The following PADI3 variants were observed in gnomAD, a reference collection of about 807,000 sequenced individuals.
PADI3 encodes the protein protein-arginine deiminase type-3.
Under a neutral mutation model 71.5 loss-of-function variants are expected in PADI3, and 53 were observed. That is an observed-to-expected ratio of 0.74 (90% CI 0.59 to 0.93). The LOEUF is 0.93. PADI3 is among the 40% of genes least tolerant of loss of function. The pLI, the probability that PADI3 is intolerant of heterozygous loss-of-function variation, is 0.00. For synonymous variants in PADI3, 361 were observed against 347.5 expected (o/e 1.04, Z -0.43); for missense variants, 821 against 868.0 (o/e 0.95, Z 0.68).
intron 15 of PADI3, among the ~76,000 whole-genome samples, chr1:17,281,173 T>C (rs572450243): frequency 6.6e-6 from 1 of 152,352 alleles, no homozygotes; most frequent in Non-Finnish European, 1.5e-5. Context: ...GTATTTAGGG[T>C]GTCCTGTGGC....
chr1:17,274,785 G>A lies in PADI3; in HGVS notation c.1306G>A (p.Gly436Arg). 2 of 1,613,034 alleles carry A rather than the reference G, an allele frequency of 1.2e-6. No individual in the cohort carries two copies. Among genetic ancestry groups the A allele is most frequent in the Non-Finnish European group, 1.7e-6 (2 of 1,179,386 alleles). The change falls in exon 11 of 16, where the codon GGG becomes AGG. Residue 436 changes from glycine (G) to arginine (R), a missense_variant and splice_region_variant. Gly to Arg is a moderately radical substitution (Grantham distance 125). Coordinates refer to ENST00000375460, the MANE Select transcript of PADI3 (RefSeq NM_016233.2). Reference protein sequence around the residue: ...GRILIGGNLPGSSGRRVTQVV... With the variant: ...GRILIGGNLPRSSGRRVTQVV... ...GATCCTCATTGGGGGCAACCTGCCT[G>A]GGTGAGAGAGAGACAGGGAATGGAG...
chr1:17,272,453 C>A (rs1261098424), intron 9 of PADI3, among the ~76,000 whole-genome samples: 1 of 151,974 alleles, frequency 6.6e-6, no homozygotes, highest in Non-Finnish European at 1.5e-5. Context: ...TAGCTGTGAG[C>A]TTTGGGACAA....
At chr1:17,282,407 AGAT>A (rs1345969604) in intron 15 of PADI3, among the ~76,000 whole-genome samples, 1 of 152,100 alleles carries the variant, frequency 6.6e-6, no homozygotes. Flanking sequence ...CTGGGGACAA[AGAT>A]GAGTATGGCC....
Position 17,283,067 on chromosome 1 carries a change from C to G in PADI3, c.1983C>G (p.Asn661Lys), listed in dbSNP as rs1163111436. The change falls in exon 16 of 16, where the codon AAC becomes AAG. Residue 661 changes from asparagine (N) to lysine (K), a missense_variant. By Grantham distance (94) the Asn-to-Lys change is moderately conservative. Coordinates refer to ENST00000375460, the MANE Select transcript of PADI3 (RefSeq NM_016233.2). Reference sequence around the variant, plus strand: ...AGCCCTTCTCTTTCAAGTGGTGGAACATGGTGCCCTGAGACAGCTCCCACC... The same window carrying G: ...AGCCCTTCTCTTTCAAGTGGTGGAAGATGGTGCCCTGAGACAGCTCCCACC... ...CRKPFSFKWW[N>K]MVP 1.2e-6 allele frequency: 2 copies of G among 1,613,762 alleles called. No individual in the cohort carries two copies. Among genetic ancestry groups the G allele is most frequent in the Non-Finnish European group, 1.7e-6 (2 of 1,179,666 alleles).
chr1:17,253,109 C>T (rs970202737), intron 1 of PADI3, among the ~76,000 whole-genome samples: 1 of 152,232 alleles, frequency 6.6e-6, no homozygotes, highest in African/African-American at 2.4e-5. Context: ...AACGAAGGAT[C>T]TCTGACTATT....
At chr1:17,277,382 C>A in intron 13 of PADI3, among the ~76,000 whole-genome samples, 1 of 152,114 alleles carries the variant, frequency 6.6e-6, no homozygotes, top group East Asian at 1.9e-4. Context: ...TTAGTAGAGA[C>A]GGGGGTTTCT....
At chr1:17,279,365 C>T (rs1293761714) in intron 13 of PADI3, among the ~76,000 whole-genome samples, 1 of 152,182 alleles carries the variant, frequency 6.6e-6, no homozygotes, top group African/African-American at 2.4e-5. Context: ...GACTCTCACC[C>T]ACCTTTATTC....
At chr1:17,259,866 T>A in intron 2 of PADI3, 108 bp downstream of exon 2, 1 of 933,610 alleles carries the variant, frequency 1.1e-6, no homozygotes, top group Non-Finnish European at 1.6e-6. Context: ...ACACAGTGGG[T>A]AAGTGCCTGG....
chr1:17,265,627 T>C lies in PADI3; in HGVS notation c.347-32T>C, dbSNP rs758713593. 4 of 1,608,096 alleles carry C rather than the reference T, an allele frequency of 2.5e-6. No individual in the cohort carries two copies. The Admixed American group carries it at 6.7e-5, about 27-fold the overall frequency. ...GCCTGCCCTGGGCTCCTGGGAACCT[T>C]GTAGTGACTTACCCTCTGCCTCCTC... is the stretch of plus-strand genomic sequence containing the variant. On this transcript the variant is annotated intron_variant, in intron 3 of 15. Transcript: ENST00000375460.
intron 4 of PADI3, among the ~76,000 whole-genome samples, chr1:17,266,485 A>T (rs2073169854): frequency 6.6e-6 from 1 of 152,200 alleles, no homozygotes; most frequent in Non-Finnish European, 1.5e-5. Context: ...GAGAAAGAGG[A>T]TGTTGGCTGA....
At position 17,271,001 on chromosome 1, in the gene PADI3, G is replaced by A; in HGVS notation, c.935+19G>A. 1 of 1,613,552 alleles carries A rather than the reference G, an allele frequency of 6.2e-7. No homozygotes were observed. Among genetic ancestry groups the A allele is most frequent in the Non-Finnish European group, 8.5e-7 (1 of 1,179,542 alleles). ...TGTGCCGGTGAGTCTTGGGGCAGTG[G>A]GTGGTCCCTCTGGCCCCCAGGCCCC... On this transcript the variant is annotated intron_variant, in intron 8 of 15. Coordinates refer to ENST00000375460, the MANE Select transcript of PADI3 (RefSeq NM_016233.2).
chr1:17,270,876 C>A lies in PADI3; in HGVS notation c.832-3C>A, dbSNP rs1202459819. 15 of 1,612,380 alleles carry A rather than the reference C, an allele frequency of 9.3e-6. No individual in the cohort carries two copies. In the East Asian group the frequency reaches 2.5e-4, roughly 26 times the overall value. On this transcript the variant is annotated splice_polypyrimidine_tract_variant and splice_region_variant and intron_variant, in intron 7 of 15. Transcript: ENST00000375460. ...CTCTTTCTCCCCTGGTCTGCCCCTG[C>A]AGGATTTCTCGGCATCCCCTATCTT...
chr1:17,271,617 C>T (rs1008949835), intron 9 of PADI3, among the ~76,000 whole-genome samples: 19 of 151,872 alleles, frequency 1.3e-4, no homozygotes, highest in African/African-American at 4.6e-4. Flanking sequence ...AGAATGATTG[C>T]TACAAAAATA....
At chr1:17,269,103 G>A (rs897043069) in intron 6 of PADI3, among the ~76,000 whole-genome samples, 5 of 150,942 alleles carry the variant, frequency 3.3e-5, no homozygotes, top group South Asian at 2.1e-4. Context: ...CAGGCTGGTC[G>A]TGAACTCCTG....
chr1:17,260,253 G>A (rs111641034), intron 2 of PADI3, among the ~76,000 whole-genome samples: 5 of 152,170 alleles, frequency 3.3e-5, no homozygotes, highest in East Asian at 1.9e-4. Context: ...TCCCCAAGGC[G>A]CTTTGCTGTC....
chr1:17,255,969 G>A (rs1028329849), intron 1 of PADI3, among the ~76,000 whole-genome samples: 1 of 152,134 alleles, frequency 6.6e-6, no homozygotes, highest in Non-Finnish European at 1.5e-5. Flanking sequence ...TGCCCCTCCT[G>A]ATCAAGAACC....
chr1:17,280,225 C>A, intron 13 of PADI3, 125 bp from the exon 14 acceptor site: 1 of 741,086 alleles, frequency 1.3e-6, no homozygotes, highest in Non-Finnish European at 2.4e-6. Context: ...CTGGGAAAGT[C>A]AGAGGCTGCT....
chr1:17,266,946 G>A (rs779501924), intron 5 of PADI3, 110 bp downstream of exon 5: 4 of 822,840 alleles, frequency 4.9e-6, no homozygotes, highest in African/African-American at 3.3e-5. Context: ...AGGGGAGAGC[G>A]CCAGCCTCCA....
chr1:17,249,191 G>A lies in PADI3; in HGVS notation c.54G>A (p.Val18=), dbSNP rs1377822325. Residue 18 remains valine (V), a synonymous_variant, in exon 1 of 16, where the codon GTG becomes GTA. Coordinates refer to ENST00000375460, the MANE Select transcript of PADI3 (RefSeq NM_016233.2). ...CCCTGGAGCATCCCACCAGCGCGGT[G>A]TGTGTGGCTGGCGTGGAGACCCTCG... ...RVSLEHPTSA[V]CVAGVETLVD... The A allele has an allele frequency of 6.2e-7, 1 of 1,614,206 alleles. No individual in the cohort carries two copies. Among genetic ancestry groups the A allele is most frequent in the Non-Finnish European group, 8.5e-7 (1 of 1,180,034 alleles).
Sources: gnomAD v4.1 joint callset for allele counts (sites outside exome capture counted in the v4.1 genomes callset) on GRCh38, gnomAD v4.1.1 for gene constraint, MANE v1.5 for transcripts, NCBI Gene and HGNC (gene_info 2026-07-23, HGNC 2026-07-21) for gene names.